The following EXD1 variants were observed in gnomAD, a reference collection of about 807,000 sequenced individuals.
EXD1 encodes piRNA biogenesis protein EXD1.
Under a neutral mutation model 49.1 loss-of-function variants are expected in EXD1, and 63 were observed. The observed-to-expected ratio is 1.28, with a 90% CI of 1.05 to 1.58. EXD1 has a LOEUF of 1.58. EXD1 is among the 40% of genes most tolerant of loss of function. The pLI is 0.00. For missense variants in EXD1, 748 were observed against 666.0 expected, an observed-to-expected ratio of 1.12 and a Z score of -1.36; for synonymous variants, 234 against 239.2, an observed-to-expected ratio of 0.98 and a Z score of 0.20.
Position 41,216,804 on chromosome 15 carries a change from A to C in EXD1, c.261-9T>G, listed in dbSNP as rs2047006702. On this transcript the variant is annotated splice_polypyrimidine_tract_variant and intron_variant, in intron 4 of 11. Transcript: ENST00000458580. ...TTCTTTCTGCATGTAGACTATCCTT[A>C]CAAGAAACAATATTTGGGTGAACTT... 6.2e-7 allele frequency: 1 copy of C among 1,610,572 alleles called. No homozygotes were observed. Among genetic ancestry groups the C allele is most frequent in the Non-Finnish European group, 8.5e-7 (1 of 1,179,370 alleles).
chr15:41,228,033 A>C (rs1353593195), intron 1 of EXD1, among the ~76,000 whole-genome samples: 1 of 152,180 alleles, frequency 6.6e-6, no homozygotes, highest in Non-Finnish European at 1.5e-5. Flanking sequence ...CTGGGAGACA[A>C]GAGTGAAACT....
intron 1 of EXD1, among the ~76,000 whole-genome samples, chr15:41,229,529 G>A (rs2047207140): frequency 1.3e-5 from 2 of 152,158 alleles, no homozygotes; most frequent in East Asian, 1.9e-4. Flanking sequence ...AGCACTTTGG[G>A]AGGCTGAAGC....
intron 7 of EXD1, among the ~76,000 whole-genome samples, chr15:41,207,012 G>T (rs577994585): frequency 6.8e-6 from 1 of 146,320 alleles, no homozygotes; most frequent in East Asian, 2.1e-4. Context: ...GGAGGCCGAG[G>T]CGGGCAGATC....
intron 7 of EXD1, among the ~76,000 whole-genome samples, chr15:41,200,852 C>A (rs1250956298): frequency 1.3e-5 from 2 of 151,884 alleles, no homozygotes; most frequent in Non-Finnish European, 2.9e-5. Flanking sequence ...AAACAACCCC[C>A]ACACATCTGG....
chr15:41,219,767 A>C, intron 3 of EXD1, 63 bp downstream of exon 3: 1 of 1,338,860 alleles, frequency 7.5e-7, no homozygotes, highest in Admixed American at 2.0e-5. Context: ...TTAAGACAAG[A>C]CAATTTCAAA....
At chr15:41,219,730 C>T in intron 3 of EXD1, 100 bp downstream of exon 3, 1 of 949,926 alleles carries the variant, frequency 1.1e-6, no homozygotes, top group African/African-American at 1.7e-5. Flanking sequence ...TCTCAAATAC[C>T]AACTTTAAGA....
chr15:41,222,795 G>C (rs1049329302), intron 2 of EXD1, among the ~76,000 whole-genome samples: 61 of 151,594 alleles, frequency 4.0e-4, no homozygotes, highest in African/African-American at 1.3e-3. Flanking sequence ...AATTAGCTGG[G>C]TGTGGTGGCA....
intron 7 of EXD1, among the ~76,000 whole-genome samples, chr15:41,206,954 T>A (rs61175772): frequency 0.36 from 30,084 of 83,266 alleles, 5,552 homozygotes; most frequent in African/African-American, 0.56. Context: ...TTTTTTTTTT[T>A]AAGTAGTGCC....
At chr15:41,188,600 C>A (rs111316583) in intron 11 of EXD1, among the ~76,000 whole-genome samples, 13 of 151,748 alleles carry the variant, frequency 8.6e-5, no homozygotes, top group Admixed American at 6.6e-4. Context: ...ACCATGTTTG[C>A]CAGGCTGATC....
chr15:41,206,588 G>A (rs963626062), intron 7 of EXD1, among the ~76,000 whole-genome samples: 9 of 147,770 alleles, frequency 6.1e-5, no homozygotes, highest in African/African-American at 2.0e-4. Context: ...GTAAAGTACT[G>A]CACAAATATA....
At chr15:41,230,271 T>C (rs1268170450) in intron 1 of EXD1, among the ~76,000 whole-genome samples, 1 of 151,798 alleles carries the variant, frequency 6.6e-6, no homozygotes, top group African/African-American at 2.4e-5. Flanking sequence ...TTATTAGAGA[T>C]GGGGTTTCTC....
chr15:41,229,717 G>A (rs1490782244), intron 1 of EXD1, among the ~76,000 whole-genome samples: 1 of 152,186 alleles, frequency 6.6e-6, no homozygotes, highest in East Asian at 1.9e-4. Flanking sequence ...TCGGTGAGCT[G>A]AGATGGCGCC....
At chr15:41,230,120 G>C (rs1374630922) in intron 1 of EXD1, among the ~76,000 whole-genome samples, 4 of 125,868 alleles carry the variant, frequency 3.2e-5, no homozygotes, top group African/African-American at 1.3e-4. Context: ...GTCTTGCTCT[G>C]TCACCCAGGC....
At position 41,184,018 on chromosome 15, in the gene EXD1, G is replaced by A. The variant is rs200051315; in HGVS notation, c.1632C>T (p.Ile544=). 2.7e-5 allele frequency: 43 copies of A among 1,614,056 alleles called. No individual in the cohort carries two copies. The highest frequency in any genetic ancestry group is 3.6e-5 in the Non-Finnish European group (43 of 1,180,030). Residue 544 remains isoleucine (I), a synonymous_variant, in exon 12 of 12, where the codon ATC becomes ATT. Transcript: ENST00000458580. The part of the protein sequence containing the change: ...RVSPSDTFYP[I]RKTVVSTLPP... ...GGAGTGTGGAAACCACAGTCTTTCT[G>A]ATAGGATAAAAAGTGTCACTTGGAG...
intron 2 of EXD1, among the ~76,000 whole-genome samples, chr15:41,223,926 C>T (rs1000647530): frequency 7.2e-5 from 11 of 152,062 alleles, no homozygotes; most frequent in African/African-American, 2.4e-4. Flanking sequence ...TTTTGCTATG[C>T]TGCCTCGGCT....
At chr15:41,229,012 A>C (rs955172203) in intron 1 of EXD1, among the ~76,000 whole-genome samples, 1 of 152,244 alleles carries the variant, frequency 6.6e-6, no homozygotes, top group Non-Finnish European at 1.5e-5. Flanking sequence ...GATGGGCTTC[A>C]AGGCTGACTG....
intron 1 of EXD1, among the ~76,000 whole-genome samples, chr15:41,229,567 G>C (rs1020482989): frequency 6.6e-6 from 1 of 152,062 alleles, no homozygotes; most frequent in Non-Finnish European, 1.5e-5. Flanking sequence ...TACGGAGTTC[G>C]AGACCAGCCT....
At chr15:41,212,535 G>A (rs79997403) in intron 6 of EXD1, among the ~76,000 whole-genome samples, 24,674 of 152,050 alleles carry the variant, frequency 0.16, 3,704 homozygotes, top group African/African-American at 0.4. Flanking sequence ...AAGTCTGGCC[G>A]TTCCTCAAAA....
At chr15:41,197,025 ATGTTGCCCAGGCT>A (rs1306083329) in intron 7 of EXD1, among the ~76,000 whole-genome samples, 3 of 151,900 alleles carry the variant, frequency 2.0e-5, no homozygotes, top group African/African-American at 7.3e-5. Context: ...GGGCTTTGCC[ATGTTGCCCAGGCT>A]GGTTTCAAAC....
Sources: gnomAD v4.1 joint callset for allele counts (sites outside exome capture counted in the v4.1 genomes callset) on GRCh38, gnomAD v4.1.1 for gene constraint, MANE v1.5 for transcripts, NCBI Gene and HGNC (gene_info 2026-07-23, HGNC 2026-07-21) for gene names.